MCM9: variants seen among roughly 807,000 people sequenced by gnomAD.
MCM9 encodes DNA helicase MCM9.
In MCM9, 55 loss-of-function variants were observed where a neutral mutation model predicts 72.8. That is an observed-to-expected ratio of 0.76 (90% CI 0.61 to 0.95). The LOEUF is 0.95. Ranked by LOEUF, MCM9 falls within the 40% of genes least tolerant of loss-of-function variation. The pLI is 0.00. For synonymous variants in MCM9, 480 were observed against 503.4 expected, an observed-to-expected ratio of 0.95 and a Z score of 0.62; for missense variants, 1,279 against 1,377.0, an observed-to-expected ratio of 0.93 and a Z score of 1.13.
intron 8 of MCM9, among the ~76,000 whole-genome samples, chr6:118,861,287 G>A (rs1469906384): frequency 6.6e-6 from 1 of 152,246 alleles, no homozygotes; most frequent in Non-Finnish European, 1.5e-5. Flanking sequence ...CAAAGAGGGT[G>A]TTAAAGCATG....
In MCM9 at chr6:118,934,896, G is replaced by T. The variant is rs1782782057; in HGVS notation, c.-155C>A. On this transcript the variant is annotated 5_prime_UTR_variant, in exon 1 of 14. Coordinates refer to ENST00000619706, the MANE Select transcript of MCM9 (RefSeq NM_017696.3). ...AGGAGGCGGCTATCACTTACTGGCTGTGTCAGAAGTCGCCGGGAACGCGTT... is the reference window on the plus strand; with the variant it reads ...AGGAGGCGGCTATCACTTACTGGCTTTGTCAGAAGTCGCCGGGAACGCGTT... The T allele has an allele frequency of 6.6e-6, 1 of 152,282 alleles. No homozygotes were observed. The highest frequency in any genetic ancestry group is 1.5e-5 in the Non-Finnish European group (1 of 68,070). 9.4% of individuals were successfully genotyped at this position (152,282 alleles called of 1,614,324 possible). A position where few individuals can be genotyped will look rare whatever the true frequency, so the allele number is the denominator to read the frequency against.
chr6:118,837,463 T>TG (rs952496653), intron 9 of MCM9, among the ~76,000 whole-genome samples: 3 of 152,188 alleles, frequency 2.0e-5, no homozygotes, highest in Non-Finnish European at 4.4e-5. Context: ...ATATTGACAG[T>TG]GGGGTGTTCA....
At position 118,911,290 on chromosome 6, in the gene MCM9, A is replaced by G. The variant is rs7743261; in HGVS notation, c.1150+360T>C. ...AGCATGAAAATGCCTTAAGCTCTAT[A>G]CCATCTATCTACTTGGTAAAGTGAA... On this transcript the variant is annotated intron_variant, in intron 8 of 13. Transcript: ENST00000619706. 2.4e-3 allele frequency: 2,367 copies of G among 1,006,058 alleles called. 42 individuals carry two copies. In the African/African-American group the frequency reaches 0.037, roughly 16 times the overall value. 62.3% of individuals were successfully genotyped at this position (1,006,058 alleles called of 1,614,324 possible).
chr6:118,881,986 G>A (rs140787699), intron 8 of MCM9, among the ~76,000 whole-genome samples: 8,769 of 152,166 alleles, frequency 0.058, 369 homozygotes, highest in East Asian at 0.19. Flanking sequence ...TACCAGGAGG[G>A]GTAGAAAGCA....
chr6:118,826,259 G>A lies in MCM9; in HGVS notation c.1849C>T (p.His617Tyr). The change falls in exon 13 of 14, where the codon CAC becomes TAC. Residue 617 changes from histidine to tyrosine, a missense_variant. Transcript: ENST00000619706. ...GALLGGVNALHTSFPENPGEQ... is the reference protein window; with the variant it reads ...GALLGGVNALYTSFPENPGEQ... ...CCAGGGTTTTCAGGAAAGGAAGTGTGGAGGGCATTCACACCTCCTAGCAGT... is the reference window on the plus strand; with the variant it reads ...CCAGGGTTTTCAGGAAAGGAAGTGTAGAGGGCATTCACACCTCCTAGCAGT... 5 of 1,550,426 alleles carry A rather than the reference G, an allele frequency of 3.2e-6. No individual in the cohort carries two copies. Among genetic ancestry groups the A allele is most frequent in the Non-Finnish European group, 4.4e-6 (5 of 1,146,934 alleles).
intron 4 of MCM9, among the ~76,000 whole-genome samples, chr6:118,923,012 A>G (rs372420758): frequency 1.4e-5 from 2 of 147,646 alleles, no homozygotes; most frequent in East Asian, 4.0e-4. Flanking sequence ...AGCCTGGGCA[A>G]CAGTGAAACT....
At chr6:118,822,900 C>T (rs570845501) in intron 13 of MCM9, among the ~76,000 whole-genome samples, 14 of 152,176 alleles carry the variant, frequency 9.2e-5, no homozygotes, top group Non-Finnish European at 1.6e-4. Context: ...CTCCTGGCCT[C>T]CTTAGCACTG....
At chr6:118,878,509 A>G (rs998526461) in intron 8 of MCM9, among the ~76,000 whole-genome samples, 1 of 152,178 alleles carries the variant, frequency 6.6e-6, no homozygotes, top group Non-Finnish European at 1.5e-5. Flanking sequence ...CACAAATTAT[A>G]AAATGTGTTG....
chr6:118,903,131 CTAGAACCAATTTACTGAA>C (rs2114533989), intron 8 of MCM9, among the ~76,000 whole-genome samples: 1 of 152,188 alleles, frequency 6.6e-6, no homozygotes, highest in South Asian at 2.1e-4. Flanking sequence ...AGAAACATGC[CTAGAACCAATTTACTGAA>C]GGGAACCAAT....
At chr6:118,879,252 A>AGG (rs1778133915) in intron 8 of MCM9, among the ~76,000 whole-genome samples, 1 of 150,690 alleles carries the variant, frequency 6.6e-6, no homozygotes, top group African/African-American at 2.5e-5. Flanking sequence ...GAGGGGGAAA[A>AGG]AAAAAAAAAA....
chr6:118,869,599 CAAAA>C lies in MCM9; in HGVS notation c.1151-13058_1151-13055del. Among the ~76,000 whole-genome samples, 14 of 58,308 alleles carry C rather than the reference CAAAA, an allele frequency of 2.4e-4. 1 individual carries two copies. The highest frequency in any genetic ancestry group is 8.3e-4 in the African/African-American group (14 of 16,856). 38.3% of individuals were successfully genotyped at this position (58,308 alleles called of 152,430 possible). ...AGAGGAAAAAGAAACAAAGGATTTA[CAAAA>C]AAAAAAAAAAAAAAAAGAAGCCAAT... On this transcript the variant is annotated intron_variant, in intron 8 of 13. Coordinates refer to ENST00000619706, the MANE Select transcript of MCM9 (RefSeq NM_017696.3).
intron 9 of MCM9, among the ~76,000 whole-genome samples, chr6:118,842,119 C>T (rs748449942): frequency 1.6e-4 from 24 of 152,256 alleles, no homozygotes; most frequent in Admixed American, 3.3e-4. Context: ...AGGCGTGAGA[C>T]ACCGTGCCCG....
At chr6:118,821,478 G>T (rs1773805505) in intron 13 of MCM9, among the ~76,000 whole-genome samples, 1 of 152,166 alleles carries the variant, frequency 6.6e-6, no homozygotes, top group Non-Finnish European at 1.5e-5. Flanking sequence ...TAGGGTTTCT[G>T]CCGAGAGATC....
At chr6:118,829,411 C>A (rs78606757) in intron 9 of MCM9, among the ~76,000 whole-genome samples, 161 bp from the exon 10 acceptor site, 3,034 of 152,252 alleles carry the variant, frequency 0.02, 112 homozygotes, top group African/African-American at 0.07. Context: ...ACATCAACTT[C>A]CAACAAAGTA....
intron 1 of MCM9, among the ~76,000 whole-genome samples, chr6:118,933,443 T>C (rs1292261075): frequency 6.6e-6 from 1 of 151,456 alleles, no homozygotes; most frequent in African/African-American, 2.4e-5. Flanking sequence ...GAGGCGGAGC[T>C]TGCAGTGAGC....
In MCM9 at chr6:118,899,910, G is replaced by A. The variant is rs1779686958; in HGVS notation, c.1150+11740C>T. Among the ~76,000 whole-genome samples the A allele has an allele frequency of 3.9e-5, 6 of 152,172 alleles. No homozygotes were observed. In the South Asian group the frequency reaches 1.2e-3, roughly 31 times the overall value. On this transcript the variant is annotated intron_variant, in intron 8 of 13. Transcript: ENST00000619706. ...AAGATGAAGAGGTCTCTCAGAGATG[G>A]TTTGTATTACAAAGTTATCTTCTTC...
At chr6:118,924,258 G>GA (rs2114387031) in intron 3 of MCM9, 131 bp from the exon 4 acceptor site, 4 of 776,844 alleles carry the variant, frequency 5.1e-6, no homozygotes, top group South Asian at 3.7e-5. Flanking sequence ...GTTTTACTAA[G>GA]AAAAAATCAG....
At chr6:118,904,267 GCTGA>G (rs1263693147) in intron 8 of MCM9, among the ~76,000 whole-genome samples, 1 of 152,170 alleles carries the variant, frequency 6.6e-6, no homozygotes, top group African/African-American at 2.4e-5. Flanking sequence ...AGGGAGTGAA[GCTGA>G]CTGAGGTTTT....
Position 118,815,650 on chromosome 6 carries a change from T to C in MCM9, c.2606A>G (p.Gln869Arg). 3.9e-6 allele frequency: 6 copies of C among 1,550,316 alleles called. No individual in the cohort carries two copies. The highest frequency in any genetic ancestry group is 1.2e-5 in the South Asian group (1 of 84,022). Residue 869 changes from glutamine (Q) to arginine (R), a missense_variant, in exon 14 of 14, where the codon CAG becomes CGG. Transcript: ENST00000619706. ...LCRNSTRVPAQCTVPSHPQST... is the reference protein window; with the variant it reads ...LCRNSTRVPARCTVPSHPQST... ...CTGAGGATGGGAAGGGACTGTGCAC[T>C]GTGCAGGCACCCTGGTGCTATTTCT...
Sources: allele counts gnomAD v4.1 joint callset (sites outside exome capture counted in the v4.1 genomes callset), GRCh38; gene constraint gnomAD v4.1.1; transcripts MANE v1.5; gene names NCBI Gene and HGNC (gene_info 2026-07-23, HGNC 2026-07-21).